The following ZNF763 variants were observed in gnomAD, a reference collection of about 807,000 sequenced individuals.
The protein encoded by ZNF763 is zinc finger protein 763.
In ZNF763, 33 loss-of-function variants were observed where a neutral mutation model predicts 38.0. That is an observed-to-expected ratio of 0.87 (90% CI 0.66 to 1.16). The LOEUF (loss-of-function observed/expected upper bound fraction) is 1.16. Ranked by LOEUF, ZNF763 falls within the 50% of genes most tolerant of loss-of-function variation. The pLI is 0.00. For missense variants in ZNF763, 423 were observed against 469.1 expected (o/e 0.90, Z 0.91); for synonymous variants, 155 against 160.1 (o/e 0.97, Z 0.24).
At chr19:11,965,352 G>A in intron 1 of ZNF763, 141 bp downstream of exon 1, 2 of 1,192,854 alleles carry the variant, frequency 1.7e-6, no homozygotes, top group African/African-American at 1.5e-5. Flanking sequence ...CTCGGCCCTC[G>A]GTCCCCTCGG....
chr19:11,978,527 A>T lies in ZNF763; in HGVS notation c.603A>T (p.Lys201Asn). ...MVMHSGDGPY[K>N]CKFCGKAVHC... is the part of the protein sequence containing the mutation. ...TGCACAGTGGGGATGGACCTTATAA[A>T]TGTAAGTTTTGTGGGAAAGCTGTCC... The change falls in exon 4 of 4, where the codon AAA (lysine) becomes AAT (asparagine). Residue 201 changes from lysine (K) to asparagine (N), a missense_variant. Physicochemically the swap from Lys to Asn is moderately conservative, Grantham distance 94 (BLOSUM62 0). Transcript: ENST00000358987. The T allele has an allele frequency of 6.2e-7, 1 of 1,614,224 alleles. No individual in the cohort carries two copies. Among genetic ancestry groups the T allele is most frequent in the East Asian group, 2.2e-5 (1 of 44,878 alleles).
In ZNF763 at chr19:11,979,329, T is replaced by C. The variant is rs1973570961; in HGVS notation, c.*220T>C. ...GATGTGCCCCACACCTTCGAAGGCA[T>C]GGTAGGACTCACTGGAGAGAAACCC... On this transcript the variant is annotated 3_prime_UTR_variant, in exon 4 of 4. Transcript: ENST00000358987. 1 of 1,608,442 alleles carries C rather than the reference T, an allele frequency of 6.2e-7. No homozygotes were observed. The highest frequency in any genetic ancestry group is 8.5e-7 in the Non-Finnish European group (1 of 1,177,294).
intron 1 of ZNF763, among the ~76,000 whole-genome samples, chr19:11,974,159 C>T (rs279287): frequency 0.019 from 1,393 of 75,268 alleles, 30 homozygotes; most frequent in African/African-American, 0.071. Context: ...TCTTTCTTTC[C>T]TTCCTTCCTT....
In ZNF763 at chr19:11,979,780, T is replaced by C; in HGVS notation, c.*671T>C. The stretch of plus-strand genomic sequence containing the variant: ...TTCGAATCCATGGTAGAACTCACAC[T>C]GGAGAGAAACCCTATGAGTGTAAGG... On this transcript the variant is annotated 3_prime_UTR_variant, in exon 4 of 4. Transcript: ENST00000358987. 6.3e-7 allele frequency: 1 copy of C among 1,582,100 alleles called. No homozygotes were observed.
chr19:11,967,784 T>A (rs981050672), intron 1 of ZNF763, among the ~76,000 whole-genome samples: 4 of 152,252 alleles, frequency 2.6e-5, no homozygotes, highest in Middle Eastern at 3.4e-3. Flanking sequence ...ATAAAGCAAG[T>A]GGAGGAACAT....
chr19:11,968,723 T>A (rs562997161), intron 1 of ZNF763, among the ~76,000 whole-genome samples: 25 of 152,100 alleles, frequency 1.6e-4, no homozygotes, highest in African/African-American at 5.8e-4. Context: ...ACTATAGAGA[T>A]CAGTAGTAGA....
intron 1 of ZNF763, among the ~76,000 whole-genome samples, chr19:11,975,116 G>C (rs1973457093): frequency 6.8e-6 from 1 of 148,124 alleles, no homozygotes; most frequent in African/African-American, 2.5e-5. Context: ...TTTTCTCGTT[G>C]AGACTGAGTG....
chr19:11,975,912 G>T (rs1973479837), intron 1 of ZNF763, among the ~76,000 whole-genome samples: 1 of 151,534 alleles, frequency 6.6e-6, no homozygotes, highest in Non-Finnish European at 1.5e-5. Context: ...TACAGTGCCA[G>T]GTTTTTCTTA....
In ZNF763 at chr19:11,978,603, C is replaced by A. The variant is rs1256374392; in HGVS notation, c.679C>A (p.Pro227Thr). Reference sequence around the variant, plus strand: ...TGAAAGAACTCACACTGGAGAGAAACCGTATGAATGTAAACAATGTGTTAA... The same window carrying A: ...TGAAAGAACTCACACTGGAGAGAAAACGTATGAATGTAAACAATGTGTTAA... ...IHERTHTGEKPYECKQCVKSF... is the reference protein window; with the variant it reads ...IHERTHTGEKTYECKQCVKSF... Residue 227 changes from proline (P) to threonine (T), a missense_variant, in exon 4 of 4, where the codon CCG becomes ACG. Transcript: ENST00000358987. 6.2e-7 allele frequency: 1 copy of A among 1,614,152 alleles called. No individual in the cohort carries two copies. The highest frequency in any genetic ancestry group is 8.5e-7 in the Non-Finnish European group (1 of 1,180,008).
In ZNF763 at chr19:11,973,258, T is replaced by C. The variant is rs548151136; in HGVS notation, c.4-3780T>C. ...GATGATGTTCCTTCCTCTAGAGTTT[T>C]GCATTTTCCAGAATATCACATATTT... On this transcript the variant is annotated intron_variant, in intron 1 of 3. Transcript: ENST00000358987. 2.8e-4 allele frequency among the ~76,000 whole-genome samples: 43 copies of C among 152,344 alleles called. 1 individual carries two copies. In the South Asian group the frequency reaches 8.7e-3, roughly 31 times the overall value.
Position 11,979,688 on chromosome 19 carries a change from AC to A in ZNF763, c.*580del. ...CTCAATCCTTCAAATGCATGCTGGG[AC>A]TCACCCTGAAGAGAAGCCCTACGAG... On this transcript the variant is annotated 3_prime_UTR_variant, in exon 4 of 4. Transcript: ENST00000358987. The A allele has an allele frequency of 1.9e-6, 3 of 1,601,626 alleles. No homozygotes were observed. The highest frequency in any genetic ancestry group is 2.6e-6 in the Non-Finnish European group (3 of 1,171,560).
rs1478441974 is a variant in ZNF763 at position 11,974,118 on chromosome 19, TTTCTTTCTTTTC to T, written c.4-2917_4-2906del. Among the ~76,000 whole-genome samples, 249 of 69,100 alleles carry T rather than the reference TTTCTTTCTTTTC, an allele frequency of 3.6e-3. 1 individual carries two copies. The highest frequency in any genetic ancestry group is 0.01 in the South Asian group (21 of 2,040). The allele number at this position is 69,100 out of a possible 152,430, so 45.3% of individuals were successfully genotyped here. A position where few individuals can be genotyped will look rare whatever the true frequency, so the allele number is the denominator to read the frequency against. On this transcript the variant is annotated intron_variant, in intron 1 of 3. Coordinates refer to ENST00000358987, the MANE Select transcript of ZNF763 (RefSeq NM_001367172.2). ...CTTTCTTTCTTTCTTTCTTTCTTTC[TTTCTTTCTTTTC>T]TTTCTTTCTTTCTTTCTTTCTTTCT...
Position 11,965,135 on chromosome 19 carries a change from C to G in ZNF763, c.-74C>G. The G allele has an allele frequency of 1.9e-6, 3 of 1,606,450 alleles. No individual in the cohort carries two copies. Among genetic ancestry groups the G allele is most frequent in the East Asian group, 2.2e-5 (1 of 44,798 alleles). On this transcript the variant is annotated 5_prime_UTR_variant, in exon 1 of 4. Coordinates refer to ENST00000358987, the MANE Select transcript of ZNF763 (RefSeq NM_001367172.2). ...TACCTCTACCCAGGTTTCTATCGCT[C>G]TGTCTCCTGCGCTGTGCCCTTCTGT... is the stretch of plus-strand genomic sequence containing the variant.
Position 11,979,206 on chromosome 19 carries a change from T to A in ZNF763, c.*97T>A. 3.1e-6 allele frequency: 5 copies of A among 1,611,280 alleles called. No homozygotes were observed. The South Asian group carries it at 5.5e-5, about 18-fold the overall frequency. Reference sequence around the variant, plus strand: ...AGAAACCCTATAAATGCATGCCATGTGGTAAAGCCTTCAATCTTTCCAGTT... The same window carrying A: ...AGAAACCCTATAAATGCATGCCATGAGGTAAAGCCTTCAATCTTTCCAGTT... On this transcript the variant is annotated 3_prime_UTR_variant, in exon 4 of 4. Transcript: ENST00000358987.
Position 11,978,704 on chromosome 19 carries a change from A to G in ZNF763, c.780A>G (p.Gln260=), listed in dbSNP as rs1158547716. The stretch of plus-strand genomic sequence containing the variant: ...GAGAAAAGCCTTATGAATGTCAGCA[A>G]TGTGGGAAAGCATTCCATAGTTCCA... ...HTGEKPYECQ[Q]CGKAFHSSSS... Residue 260 remains glutamine (Q), a synonymous_variant, in exon 4 of 4, where the codon CAA becomes CAG. Coordinates refer to ENST00000358987, the MANE Select transcript of ZNF763 (RefSeq NM_001367172.2). 2 of 1,614,156 alleles carry G rather than the reference A, an allele frequency of 1.2e-6. No homozygotes were observed. Among genetic ancestry groups the G allele is most frequent in the Middle Eastern group, 1.6e-4 (1 of 6,062 alleles).
At position 11,979,525 on chromosome 19, in the gene ZNF763, C is replaced by T. The variant is rs146547351; in HGVS notation, c.*416C>T. On this transcript the variant is annotated 3_prime_UTR_variant, in exon 4 of 4. Coordinates refer to ENST00000358987, the MANE Select transcript of ZNF763 (RefSeq NM_001367172.2). ...CATTTCAAAGACATGAAAAAACTCA[C>T]ACTGCAGAGAAACCCTATGAATGCA... The T allele has an allele frequency of 4.2e-4, 673 of 1,602,934 alleles. 2 individuals carry two copies. In the African/African-American group the frequency reaches 8.3e-3, roughly 20 times the overall value.
At chr19:11,977,972 A>G in intron 3 of ZNF763, 144 bp from the exon 4 acceptor site, 2 of 979,434 alleles carry the variant, frequency 2.0e-6, no homozygotes, top group African/African-American at 1.6e-5. Flanking sequence ...ACCTTGTAGA[A>G]CATGTTGTCC....
chr19:11,977,996 C>G (rs2145345759), intron 3 of ZNF763, 120 bp from the exon 4 acceptor site: 1 of 1,266,620 alleles, frequency 7.9e-7, no homozygotes, highest in East Asian at 2.4e-5. Flanking sequence ...TACCTTCAAA[C>G]AATTCAGCCA....
In ZNF763 at chr19:11,978,470, T is replaced by C. The variant is rs1973545326; in HGVS notation, c.546T>C (p.Ile182=). ...GTAAAGAATGTGGAAAAACCTTTATTTCCCATTCAGGCATTCGAAGACGCA... is the reference window on the plus strand; with the variant it reads ...GTAAAGAATGTGGAAAAACCTTTATCTCCCATTCAGGCATTCGAAGACGCA... ...YACKECGKTF[I]SHSGIRRRMV... is the part of the protein sequence containing the mutation. The change falls in exon 4 of 4, where the codon ATT becomes ATC. Residue 182 remains isoleucine, a synonymous_variant. Coordinates refer to ENST00000358987, the MANE Select transcript of ZNF763 (RefSeq NM_001367172.2). 6.2e-7 allele frequency: 1 copy of C among 1,614,160 alleles called. No individual in the cohort carries two copies. Among genetic ancestry groups the C allele is most frequent in the Non-Finnish European group, 8.5e-7 (1 of 1,180,026 alleles).
Sources: allele counts gnomAD v4.1 joint callset (sites outside exome capture counted in the v4.1 genomes callset), GRCh38; gene constraint gnomAD v4.1.1; transcripts MANE v1.5; gene names NCBI Gene and HGNC (gene_info 2026-07-23, HGNC 2026-07-21).